CTNNA3: variants seen among roughly 807,000 people sequenced by gnomAD.
CTNNA3 encodes the protein catenin alpha 3, also known as catenin alpha-3.
Under a neutral mutation model 95.7 loss-of-function variants are expected in CTNNA3, and 76 were observed. That is an observed-to-expected ratio of 0.79 (90% CI 0.66 to 0.96). The LOEUF (loss-of-function observed/expected upper bound fraction) is 0.96. Ranked by LOEUF, CTNNA3 falls within the 40% of genes least tolerant of loss-of-function variation. The pLI, the probability that CTNNA3 is intolerant of heterozygous loss-of-function variation, is 0.00. For missense variants in CTNNA3, 1,191 were observed against 1,089.8 expected, an observed-to-expected ratio of 1.09 and a Z score of -1.31; for synonymous variants, 431 against 374.4, an observed-to-expected ratio of 1.15 and a Z score of -1.74.
chr10:66,751,277 T>A lies in CTNNA3; in HGVS notation c.1281+14987A>T, dbSNP rs367976786. On this transcript the variant is annotated intron_variant, in intron 9 of 17. Transcript: ENST00000433211. ...AGTGAGACTATCTTGAAAAAAAAAATTTCCACTTGTCCACTTGTTTGTTGC... is the reference window on the plus strand; with the variant it reads ...AGTGAGACTATCTTGAAAAAAAAAAATTCCACTTGTCCACTTGTTTGTTGC... Among the ~76,000 whole-genome samples the A allele has an allele frequency of 4.7e-3, 711 of 151,926 alleles. 5 individuals carry two copies. The highest frequency in any genetic ancestry group is 0.017 in the African/African-American group (690 of 41,458).
chr10:66,572,001 C>A (rs956580537), intron 10 of CTNNA3, among the ~76,000 whole-genome samples: 97 of 152,102 alleles, frequency 6.4e-4, no homozygotes, highest in African/African-American at 2.3e-3. Context: ...TTCTTAACCA[C>A]TATACATATT....
intron 17 of CTNNA3, among the ~76,000 whole-genome samples, chr10:65,928,150 A>G (rs767162562): frequency 3.8e-4 from 58 of 152,074 alleles, no homozygotes; most frequent in Non-Finnish European, 7.2e-4. Context: ...TATGTTTATG[A>G]TTATGCTTAC....
intron 5 of CTNNA3, among the ~76,000 whole-genome samples, chr10:67,518,552 T>C (rs1839890247): frequency 1.3e-5 from 2 of 152,282 alleles, no homozygotes; most frequent in Admixed American, 6.5e-5. Flanking sequence ...CTTTAGTCTA[T>C]ATAATGTTCA....
chr10:66,266,086 G>C (rs562386458), intron 13 of CTNNA3, among the ~76,000 whole-genome samples: 3 of 149,660 alleles, frequency 2.0e-5, no homozygotes, highest in African/African-American at 7.4e-5. Context: ...AGAGAGGAAG[G>C]GGGGGAGAGA....
chr10:66,908,935 G>A (rs962280881), intron 7 of CTNNA3, among the ~76,000 whole-genome samples: 1 of 152,168 alleles, frequency 6.6e-6, no homozygotes, highest in African/African-American at 2.4e-5. Flanking sequence ...AGTAGCACAT[G>A]GTAGACATAT....
intron 11 of CTNNA3, among the ~76,000 whole-genome samples, chr10:66,385,004 T>C (rs12774258): frequency 0.096 from 14,580 of 152,086 alleles, 920 homozygotes; most frequent in Middle Eastern, 0.18. Context: ...GATCTAAAAT[T>C]GACACCCTAA....
chr10:66,670,356 C>T (rs1319354630), intron 9 of CTNNA3, among the ~76,000 whole-genome samples: 2 of 152,172 alleles, frequency 1.3e-5, no homozygotes, highest in Non-Finnish European at 2.9e-5. Flanking sequence ...AGTACTTCCA[C>T]GCCAAGGTCA....
chr10:67,636,292 T>C (rs193076786), intron 2 of CTNNA3, among the ~76,000 whole-genome samples: 180 of 152,294 alleles, frequency 1.2e-3, no homozygotes, highest in Non-Finnish European at 1.9e-3. Flanking sequence ...ACCACTGACA[T>C]TCTTCACAGA....
chr10:67,650,542 T>C (rs1839847041), intron 1 of CTNNA3, among the ~76,000 whole-genome samples: 1 of 152,212 alleles, frequency 6.6e-6, no homozygotes, highest in Non-Finnish European at 1.5e-5. Context: ...ACTATCTTTG[T>C]CTGCAATGAC....
intron 17 of CTNNA3, among the ~76,000 whole-genome samples, chr10:65,941,294 G>A (rs2077426230): frequency 6.6e-6 from 1 of 152,164 alleles, no homozygotes; most frequent in African/African-American, 2.4e-5. Flanking sequence ...CATGGTCCAT[G>A]TTCTTACCCA....
At chr10:66,941,177 T>C (rs1436702951) in intron 7 of CTNNA3, among the ~76,000 whole-genome samples, 3 of 152,174 alleles carry the variant, frequency 2.0e-5, no homozygotes, top group African/African-American at 7.2e-5. Context: ...TTAATTAAAA[T>C]GCACAGTTAC....
chr10:67,180,331 C>G lies in CTNNA3; in HGVS notation c.1033G>C (p.Glu345Gln). 6.2e-7 allele frequency: 1 copy of G among 1,613,392 alleles called. No individual in the cohort carries two copies. Among genetic ancestry groups the G allele is most frequent in the East Asian group, 2.2e-5 (1 of 44,844 alleles). The change falls in exon 7 of 18, where the codon GAG (glutamate) becomes CAG (glutamine). Residue 345 changes from glutamate (E) to glutamine (Q), a missense_variant. Physicochemically the swap from Glu to Gln is conservative, Grantham distance 29 (BLOSUM62 2). Transcript: ENST00000433211. ...CAGTCACCTACGTTGTTCATGTACTCTGAAAGCAGATCCTGAAGAGCCTGG... is the reference window on the plus strand; with the variant it reads ...CAGTCACCTACGTTGTTCATGTACTGTGAAAGCAGATCCTGAAGAGCCTGG... ...IRQALQDLLS[E>Q]YMNNAGKKER... is the part of the protein sequence containing the mutation.
intron 14 of CTNNA3, among the ~76,000 whole-genome samples, chr10:66,071,236 C>T (rs1055175818): frequency 2.6e-5 from 4 of 152,078 alleles, no homozygotes; most frequent in African/African-American, 9.7e-5. Context: ...TGATATATAT[C>T]GCCAGGTGGC....
intron 11 of CTNNA3, among the ~76,000 whole-genome samples, chr10:66,402,573 G>A (rs947975152): frequency 2.0e-5 from 3 of 152,078 alleles, no homozygotes; most frequent in Non-Finnish European, 4.4e-5. Flanking sequence ...AGATAGAGCA[G>A]GGATACCACT....
At chr10:67,554,342 T>C (rs1841150136) in intron 3 of CTNNA3, among the ~76,000 whole-genome samples, 1 of 152,238 alleles carries the variant, frequency 6.6e-6, no homozygotes, top group African/African-American at 2.4e-5. Flanking sequence ...CACACTGTCT[T>C]CCACAATGGT....
chr10:67,661,299 G>C (rs374763121), intron 1 of CTNNA3, among the ~76,000 whole-genome samples: 1 of 147,526 alleles, frequency 6.8e-6, no homozygotes, highest in Non-Finnish European at 1.5e-5. Flanking sequence ...GGGAGGGAGG[G>C]AGGGAAGAAA....
chr10:66,074,435 A>G (rs1384548369), intron 14 of CTNNA3, among the ~76,000 whole-genome samples: 1 of 151,760 alleles, frequency 6.6e-6, no homozygotes, highest in Non-Finnish European at 1.5e-5. Flanking sequence ...CAGCTTTTCA[A>G]TCTCATCCCA....
chr10:67,022,870 G>A (rs955411156), intron 7 of CTNNA3, among the ~76,000 whole-genome samples: 2 of 152,022 alleles, frequency 1.3e-5, no homozygotes, highest in African/African-American at 2.4e-5. Context: ...CCCGGGTGGC[G>A]GAGGTTGCAG....
intron 10 of CTNNA3, among the ~76,000 whole-genome samples, chr10:66,591,193 G>C (rs1843537920): frequency 6.6e-6 from 1 of 152,124 alleles, no homozygotes; most frequent in African/African-American, 2.4e-5. Flanking sequence ...AGCAGCCTCA[G>C]CAGGTTGGAA....
Sources: gnomAD v4.1 joint callset for allele counts (sites outside exome capture counted in the v4.1 genomes callset) on GRCh38, gnomAD v4.1.1 for gene constraint, MANE v1.5 for transcripts, NCBI Gene and HGNC (gene_info 2026-07-23, HGNC 2026-07-21) for gene names.